The following AGL variants were observed in gnomAD, a reference collection of about 807,000 sequenced individuals.
The protein encoded by AGL is glycogen debranching enzyme.
AGL carries 128 observed loss-of-function variants against 199.3 expected under a neutral mutation model. The observed-to-expected ratio is 0.64, with a 90% CI of 0.56 to 0.74. AGL has a LOEUF of 0.74. Ranked by LOEUF, AGL falls within the 30% of genes least tolerant of loss-of-function variation. The pLI is 0.00. For synonymous variants in AGL, 584 were observed against 594.7 expected (o/e 0.98, Z 0.26); for missense variants, 1,809 against 1,820.8 (o/e 0.99, Z 0.12).
rs893488693 is a variant in AGL at position 99,864,581 on chromosome 1, A to G, written c.656A>G (p.Asn219Ser). ...ATTTGTATTACTGATGTTGTCTACA[A>G]TCATACTGGTATGAGCTTCATTGAC... ...NVICITDVVYNHTAANSKWIQ... is the reference protein window; with the variant it reads ...NVICITDVVYSHTAANSKWIQ... Residue 219 changes from asparagine to serine, a missense_variant, in exon 5 of 34, where the codon AAT becomes AGT. Asn to Ser is a conservative substitution (Grantham distance 46). Transcript: ENST00000361915. 10 of 1,613,252 alleles carry G rather than the reference A, an allele frequency of 6.2e-6. No individual in the cohort carries two copies. The highest frequency in any genetic ancestry group is 7.6e-6 in the Non-Finnish European group (9 of 1,179,504).
In AGL at chr1:99,881,534, T is replaced by G. The variant is rs1652027032; in HGVS notation, c.2158-7T>G. Reference sequence around the variant, plus strand: ...GAGCTAATCTAGTTGTTCTTTCTGCTTCTCAGGTGTATGTGGATCAAGTTG... The same window carrying G: ...GAGCTAATCTAGTTGTTCTTTCTGCGTCTCAGGTGTATGTGGATCAAGTTG... On this transcript the variant is annotated splice_polypyrimidine_tract_variant and splice_region_variant and intron_variant, in intron 16 of 33. Coordinates refer to ENST00000361915, the MANE Select transcript of AGL (RefSeq NM_000642.3). The G allele has an allele frequency of 6.2e-7, 1 of 1,613,910 alleles. No homozygotes were observed. The highest frequency in any genetic ancestry group is 1.1e-5 in the South Asian group (1 of 91,082).
chr1:99,853,892 A>C (rs1263141490), intron 2 of AGL, among the ~76,000 whole-genome samples: 1 of 151,792 alleles, frequency 6.6e-6, no homozygotes, highest in African/African-American at 2.4e-5. Context: ...CCTGTCTTTA[A>C]AAAACAAAAA....
chr1:99,882,765 A>G (rs533796694), intron 17 of AGL, among the ~76,000 whole-genome samples: 3 of 152,308 alleles, frequency 2.0e-5, no homozygotes, highest in African/African-American at 7.2e-5. Flanking sequence ...GCTCCTGTTC[A>G]TGCAGCAGCT....
At position 99,916,514 on chromosome 1, in the gene AGL, T is replaced by C. The variant is rs1260832925; in HGVS notation, c.4347+17T>C. The stretch of plus-strand genomic sequence containing the variant: ...CAAGGACCTGTAAGAATTTCATTTA[T>C]CTTCTGAGTTTCAGTTTAAATTATT... On this transcript the variant is annotated intron_variant, in intron 32 of 33. Transcript: ENST00000361915. The C allele has an allele frequency of 6.2e-7, 1 of 1,606,520 alleles. No homozygotes were observed. Among genetic ancestry groups the C allele is most frequent in the Admixed American group, 1.7e-5 (1 of 59,776 alleles).
At chr1:99,902,972 C>A (rs538314033) in intron 27 of AGL, among the ~76,000 whole-genome samples, 178 bp downstream of exon 27, 16 of 152,120 alleles carry the variant, frequency 1.1e-4, no homozygotes, top group East Asian at 1.9e-4. Flanking sequence ...AATTTTATAT[C>A]TTTTGTCAGC....
At chr1:99,902,621 T>A (rs1653929874) in intron 26 of AGL, 62 bp from the exon 27 acceptor site, 1 of 1,303,750 alleles carries the variant, frequency 7.7e-7, no homozygotes, top group Non-Finnish European at 1.1e-6. Context: ...GTTGTCGGAT[T>A]TGGGGGAAAA....
chr1:99,880,157 GTTC>G (rs1272718177), intron 13 of AGL, 111 bp downstream of exon 13: 2 of 1,457,400 alleles, frequency 1.4e-6, no homozygotes, highest in African/African-American at 2.8e-5. Flanking sequence ...CACAGTTAAT[GTTC>G]TTCTAAATAC....
At chr1:99,908,772 T>C (rs1218855626) in intron 27 of AGL, among the ~76,000 whole-genome samples, 1 of 152,102 alleles carries the variant, frequency 6.6e-6, no homozygotes, top group African/African-American at 2.4e-5. Flanking sequence ...CAAGTAGCCG[T>C]TATTTAAGTT....
At chr1:99,904,843 A>G (rs1309382197) in intron 27 of AGL, among the ~76,000 whole-genome samples, 4 of 152,270 alleles carry the variant, frequency 2.6e-5, no homozygotes, top group South Asian at 4.1e-4. Context: ...ATATACCAGT[A>G]TTTATTTAAC....
rs529956530 is a variant in AGL at position 99,912,235 on chromosome 1, T to A, written c.3837-170T>A. ...AGGATGATAGACAATGGCAAAACCG[T>A]GAGAGGAAAAAATCTTTACATGATA... On this transcript the variant is annotated intron_variant, in intron 28 of 33. Coordinates refer to ENST00000361915, the MANE Select transcript of AGL (RefSeq NM_000642.3). Among the ~76,000 whole-genome samples the A allele has an allele frequency of 2.6e-5, 4 of 152,214 alleles. No homozygotes were observed. The South Asian group carries it at 6.2e-4, about 24-fold the overall frequency.
chr1:99,898,028 T>G (rs1318661580), intron 25 of AGL, among the ~76,000 whole-genome samples: 1 of 151,900 alleles, frequency 6.6e-6, no homozygotes, highest in African/African-American at 2.4e-5. Flanking sequence ...GTATGGCCTA[T>G]GAGCAAAGAA....
chr1:99,902,891 C>A, intron 27 of AGL, 97 bp downstream of exon 27: 1 of 892,722 alleles, frequency 1.1e-6, no homozygotes, highest in South Asian at 1.4e-5. Flanking sequence ...CCAAACCTCA[C>A]GATATAATGA....
rs886044929 is a variant in AGL at position 99,922,445 on chromosome 1, A to G, written c.*794A>G. On this transcript the variant is annotated 3_prime_UTR_variant, in exon 34 of 34. Transcript: ENST00000361915. ...TATATTAGTTTTCTAAAACTCAACT[A>G]TCTTTAGTCATGTTCAAAAATCTAT... The G allele has an allele frequency of 1.3e-5, 2 of 151,802 alleles. No individual in the cohort carries two copies. The highest frequency in any genetic ancestry group is 2.9e-5 in the Non-Finnish European group (2 of 67,810). 9.4% of individuals were successfully genotyped at this position (151,802 alleles called of 1,614,324 possible).
chr1:99,919,753 T>C (rs11166375), intron 33 of AGL, among the ~76,000 whole-genome samples: 58,156 of 152,014 alleles, frequency 0.38, 12,086 homozygotes, highest in East Asian at 0.55. Context: ...ACTTCCCACA[T>C]TGGGCCATCA....
chr1:99,893,200 T>C (rs1344849103), intron 24 of AGL, among the ~76,000 whole-genome samples: 1 of 152,192 alleles, frequency 6.6e-6, no homozygotes, highest in East Asian at 1.9e-4. Flanking sequence ...TTGAGGTGAC[T>C]GAAGTTTAGA....
chr1:99,861,365 A>G (rs1650017202), intron 2 of AGL, 138 bp from the exon 3 acceptor site: 1 of 1,529,114 alleles, frequency 6.5e-7, no homozygotes, highest in Non-Finnish European at 8.8e-7. Context: ...GTAGTGCCAA[A>G]ACAGCATTAG....
In AGL at chr1:99,881,311, AACGGTTTTAC is replaced by A. The variant is rs1652003965; in HGVS notation, c.2024_2033del (p.Arg675LeufsTer52). On this transcript the variant is annotated frameshift_variant, in exon 16 of 34. Coordinates refer to ENST00000361915, the MANE Select transcript of AGL (RefSeq NM_000642.3). LOFTEE classifies it high-confidence loss of function. ...GTCCAGATTTCAGTGGTTTCTGAAG[AACGGTTTTAC>A]ACTAAGTGGAATCCTGAAGCATTGC... 1 of 1,614,124 alleles carries A rather than the reference AACGGTTTTAC, an allele frequency of 6.2e-7. No homozygotes were observed. Among genetic ancestry groups the A allele is most frequent in the Middle Eastern group, 1.6e-4 (1 of 6,062 alleles).
At chr1:99,879,123 A>T (rs1430920001) in intron 12 of AGL, among the ~76,000 whole-genome samples, 1 of 152,178 alleles carries the variant, frequency 6.6e-6, no homozygotes, top group Non-Finnish European at 1.5e-5. Flanking sequence ...TGGAAATTGT[A>T]AGGTGTAAGA....
At chr1:99,899,312 G>T (rs1357257398) in intron 25 of AGL, among the ~76,000 whole-genome samples, 2 of 152,126 alleles carry the variant, frequency 1.3e-5, no homozygotes, top group East Asian at 3.8e-4. Flanking sequence ...CACACAGATG[G>T]CAAAGCTAGG....
Sources: allele counts gnomAD v4.1 joint callset (sites outside exome capture counted in the v4.1 genomes callset), GRCh38; gene constraint gnomAD v4.1.1; transcripts MANE v1.5; gene names NCBI Gene and HGNC (gene_info 2026-07-23, HGNC 2026-07-21).